The following KCNH7 variants were observed in gnomAD, a reference collection of about 807,000 sequenced individuals.
The protein encoded by KCNH7 is potassium voltage-gated channel subfamily H member 7.
KCNH7 carries 49 observed loss-of-function variants against 120.8 expected under a neutral mutation model. The ratio of observed to expected loss-of-function variants is 0.41; its 90% CI spans 0.32 to 0.51. The LOEUF (loss-of-function observed/expected upper bound fraction) is 0.51. Among genes scored for constraint, KCNH7 ranks in the 20% least tolerant of loss-of-function variants. The pLI is 0.38. For missense variants in KCNH7, 1,097 were observed against 1,446.6 expected (o/e 0.76, Z 3.92); for synonymous variants, 547 against 516.1 (o/e 1.06, Z -0.81).
chr2:162,600,424 G>A (rs1694514253), intron 2 of KCNH7, among the ~76,000 whole-genome samples: 1 of 152,022 alleles, frequency 6.6e-6, no homozygotes, highest in African/African-American at 2.4e-5. Context: ...TAATTTGGGG[G>A]TGGACAATTT....
At chr2:162,487,909 C>A (rs530528199) in intron 6 of KCNH7, among the ~76,000 whole-genome samples, 2 of 152,170 alleles carry the variant, frequency 1.3e-5, no homozygotes, top group East Asian at 1.9e-4. Context: ...ACGTCTGCTA[C>A]GGAATTTTTC....
chr2:162,709,347 T>A (rs910917103), intron 2 of KCNH7, among the ~76,000 whole-genome samples: 5 of 152,038 alleles, frequency 3.3e-5, no homozygotes, highest in African/African-American at 7.2e-5. Context: ...AATCTCTAGA[T>A]CCAGAAGCTC....
intron 6 of KCNH7, among the ~76,000 whole-genome samples, chr2:162,469,352 C>T (rs1195390092): frequency 6.6e-6 from 1 of 152,076 alleles, no homozygotes; most frequent in African/African-American, 2.4e-5. Flanking sequence ...CCAGAAGTAC[C>T]GCCAGAGATG....
At position 162,477,821 on chromosome 2, in the gene KCNH7, C is replaced by G. The variant is rs1014128843; in HGVS notation, c.1128+26622G>C. On this transcript the variant is annotated intron_variant, in intron 6 of 15. Coordinates refer to ENST00000332142, the MANE Select transcript of KCNH7 (RefSeq NM_033272.4). ...ATAGCCTTCTGCCCAAACATCTATC[C>G]ATCCATCCATCCATCCATCCATCCA... Among the ~76,000 whole-genome samples, 3 of 149,294 alleles carry G rather than the reference C, an allele frequency of 2.0e-5. No individual in the cohort carries two copies. The South Asian group carries it at 6.3e-4, about 31-fold the overall frequency.
chr2:162,534,860 A>G (rs1289930922), intron 3 of KCNH7, among the ~76,000 whole-genome samples: 1 of 151,786 alleles, frequency 6.6e-6, no homozygotes, highest in Non-Finnish European at 1.5e-5. Flanking sequence ...TGCAAAATTA[A>G]TATGCGTTAA....
At position 162,836,540 on chromosome 2, in the gene KCNH7, T is replaced by C; in HGVS notation, c.304A>G (p.Asn102Asp). 1 of 1,612,172 alleles carries C rather than the reference T, an allele frequency of 6.2e-7. No individual in the cohort carries two copies. Among genetic ancestry groups the C allele is most frequent in the Non-Finnish European group, 8.5e-7 (1 of 1,178,340 alleles). Reference protein sequence around the residue: ...RKVEVTYYHKNGSTFICNTHI... With the variant: ...RKVEVTYYHKDGSTFICNTHI... ...ATCCTAAATAGAGGAATTTTACCAT[T>C]TTTGTGATAGTAGGTGACCTCCACT... The change falls in exon 2 of 16, where the codon AAT becomes GAT. Residue 102 changes from asparagine (N) to aspartate (D), a missense_variant. By Grantham distance (23) the Asn-to-Asp change is conservative (BLOSUM62 1). Coordinates refer to ENST00000332142, the MANE Select transcript of KCNH7 (RefSeq NM_033272.4).
chr2:162,657,935 A>G (rs1244543339), intron 2 of KCNH7, among the ~76,000 whole-genome samples: 1 of 152,088 alleles, frequency 6.6e-6, no homozygotes, highest in Non-Finnish European at 1.5e-5. Context: ...CATTCCTACA[A>G]ATATATAAGT....
At chr2:162,626,181 T>C (rs1559051481) in intron 2 of KCNH7, among the ~76,000 whole-genome samples, 1 of 152,058 alleles carries the variant, frequency 6.6e-6, no homozygotes. Flanking sequence ...TACAAAACAC[T>C]AACTGTAGGA....
At position 162,836,646 on chromosome 2, in the gene KCNH7, G is replaced by T. The variant is rs368853485; in HGVS notation, c.198C>A (p.Cys66Ter). Residue 66 changes from cysteine (C) to a stop codon, truncating the protein, a stop_gained, in exon 2 of 16, where the codon TGC (cysteine) becomes TGA (stop). Coordinates refer to ENST00000332142, the MANE Select transcript of KCNH7 (RefSeq NM_033272.4). LOFTEE classifies it high-confidence loss of function. ...RPDVMQKPCT[C>*]DFLHGPETKR... ...TGGTCTCGGGTCCATGGAGAAAGTC[G>T]CAGGTGCATGGCTTTTGCATGACAT... 1 of 1,614,102 alleles carries T rather than the reference G, an allele frequency of 6.2e-7. No homozygotes were observed. The highest frequency in any genetic ancestry group is 8.5e-7 in the Non-Finnish European group (1 of 1,180,006).
chr2:162,414,426 T>C (rs921626398), intron 9 of KCNH7, among the ~76,000 whole-genome samples: 2 of 151,258 alleles, frequency 1.3e-5, no homozygotes, highest in African/African-American at 4.8e-5. Context: ...TATGTAGTTA[T>C]ATATTATTAT....
chr2:162,594,094 A>G (rs1694297586), intron 2 of KCNH7, among the ~76,000 whole-genome samples: 1 of 152,008 alleles, frequency 6.6e-6, no homozygotes, highest in South Asian at 2.1e-4. Flanking sequence ...GTTTCAAATT[A>G]GACCTTCCAA....
rs563377545 is a variant in KCNH7 at position 162,569,124 on chromosome 2, C to T, written c.308-32044G>A. Among the ~76,000 whole-genome samples, 531 of 152,048 alleles carry T rather than the reference C, an allele frequency of 3.5e-3. 4 individuals carry two copies. The highest frequency in any genetic ancestry group is 0.012 in the African/African-American group (501 of 41,472). ...GAATGGTACCAGTTCCTCCTTGCAC[C>T]TCTGGTAGAATTCGGCTGTGAATCC... On this transcript the variant is annotated intron_variant, in intron 2 of 15. Coordinates refer to ENST00000332142, the MANE Select transcript of KCNH7 (RefSeq NM_033272.4).
rs1687766610 is a variant in KCNH7, at chr2:162,423,458, T to C, written c.2032A>G (p.Met678Val). ...RLYSGTARYH[M>V]QMLRVKEFIR... ...AACTCTTTTACTCGCAGCATCTGCATGTGGTACCTGGCAGTTCCCGAGTAT... is the reference window on the plus strand; with the variant it reads ...AACTCTTTTACTCGCAGCATCTGCACGTGGTACCTGGCAGTTCCCGAGTAT... The change falls in exon 9 of 16, where the codon ATG (methionine) becomes GTG (valine). Residue 678 changes from methionine to valine, a missense_variant. By Grantham distance (21) the Met-to-Val change is conservative. Transcript: ENST00000332142. 6.2e-7 allele frequency: 1 copy of C among 1,614,092 alleles called. No individual in the cohort carries two copies. Among genetic ancestry groups the C allele is most frequent in the East Asian group, 2.2e-5 (1 of 44,874 alleles).
chr2:162,579,819 T>G (rs1693813271), intron 2 of KCNH7, among the ~76,000 whole-genome samples: 1 of 152,048 alleles, frequency 6.6e-6, no homozygotes. Flanking sequence ...AACACTTTTT[T>G]TTTTCTCAGA....
chr2:162,592,609 G>T lies in KCNH7; in HGVS notation c.308-55529C>A, dbSNP rs1694245936. Among the ~76,000 whole-genome samples, 5 of 152,032 alleles carry T rather than the reference G, an allele frequency of 3.3e-5. No individual in the cohort carries two copies. The South Asian group carries it at 1.0e-3, about 32-fold the overall frequency. ...AAAATGCAAGCTGAAAAAATTGGCT[G>T]CAGCTAATGCTTACTATCTCTCCCT... On this transcript the variant is annotated intron_variant, in intron 2 of 15. Transcript: ENST00000332142.
chr2:162,689,027 A>G (rs1384684129), intron 2 of KCNH7, among the ~76,000 whole-genome samples: 3 of 152,072 alleles, frequency 2.0e-5, no homozygotes, highest in East Asian at 1.9e-4. Context: ...ATGTTCCCCA[A>G]TTGCCCAAGT....
intron 9 of KCNH7, among the ~76,000 whole-genome samples, chr2:162,411,226 G>A (rs1687382851): frequency 6.6e-6 from 1 of 152,060 alleles, no homozygotes; most frequent in South Asian, 2.1e-4. Flanking sequence ...ATCAACGGTG[G>A]ACTGGATAAA....
intron 6 of KCNH7, among the ~76,000 whole-genome samples, chr2:162,458,753 G>A (rs963858603): frequency 6.6e-6 from 1 of 152,132 alleles, no homozygotes; most frequent in Non-Finnish European, 1.5e-5. Context: ...ACGATGTGAG[G>A]TAGAGGCATA....
chr2:162,386,502 T>G (rs1686575941), intron 12 of KCNH7, among the ~76,000 whole-genome samples: 1 of 151,886 alleles, frequency 6.6e-6, no homozygotes, highest in Non-Finnish European at 1.5e-5. Context: ...ACCTGCTTAG[T>G]GAATTGCACC....
Sources: allele counts gnomAD v4.1 joint callset (sites outside exome capture counted in the v4.1 genomes callset), GRCh38; gene constraint gnomAD v4.1.1; transcripts MANE v1.5; gene names NCBI Gene and HGNC (gene_info 2026-07-23, HGNC 2026-07-21).